The following MIEF1 variants were observed in gnomAD, a reference collection of about 807,000 sequenced individuals.
MIEF1 encodes mitochondrial elongation factor 1, also known as mitochondrial dynamics protein MIEF1.
A neutral mutation model predicts 35.1 loss-of-function variants in MIEF1; 14 were observed. The ratio of observed to expected loss-of-function variants is 0.40; its 90% confidence interval spans 0.26 to 0.62. MIEF1 has a LOEUF of 0.62. MIEF1 is among the 20% of genes least tolerant of loss of function. The probability of loss-of-function intolerance (pLI) is 0.43; values close to 1 mark genes in which losing one functional copy is unlikely to be tolerated. For missense variants in MIEF1, 542 were observed against 615.4 expected (o/e 0.88, Z 1.26); for synonymous variants, 245 against 254.3 (o/e 0.96, Z 0.35).
rs1194335045 is a variant in MIEF1, at chr22:39,515,916, T to C, written c.*1593T>C. ...ACAGGAAATGACTCTTTAGCATCGA[T>C]ACCTCAACATCAATTTAGGGTAGAG... On this transcript the variant is annotated 3_prime_UTR_variant, in exon 6 of 6. Coordinates refer to ENST00000325301, the MANE Select transcript of MIEF1 (RefSeq NM_019008.6). 1 of 153,388 alleles carries C rather than the reference T, an allele frequency of 6.5e-6. No homozygotes were observed. The highest frequency in any genetic ancestry group is 1.5e-5 in the Non-Finnish European group (1 of 68,566). The allele number at this position is 153,388 out of a possible 1,614,324, so 9.5% of individuals were successfully genotyped here.
At position 39,514,714 on chromosome 22, in the gene MIEF1, C is replaced by T. The variant is rs939166559; in HGVS notation, c.*391C>T. The stretch of plus-strand genomic sequence containing the variant: ...GTGTCTTTTCTATTTTTTCCTCTCT[C>T]GTTCATGCCTTCTGTTTTGCTCTTG... On this transcript the variant is annotated 3_prime_UTR_variant, in exon 6 of 6. Coordinates refer to ENST00000325301, the MANE Select transcript of MIEF1 (RefSeq NM_019008.6). 1.9e-5 allele frequency: 5 copies of T among 266,422 alleles called. No individual in the cohort carries two copies. The highest frequency in any genetic ancestry group is 5.4e-5 in the South Asian group (1 of 18,616). 16.5% of individuals were successfully genotyped at this position (266,422 alleles called of 1,614,324 possible). A position where few individuals can be genotyped will look rare whatever the true frequency, so the allele number is the denominator to read the frequency against.
In MIEF1 at chr22:39,515,465, C is replaced by T. The variant is rs1930610328; in HGVS notation, c.*1142C>T. On this transcript the variant is annotated 3_prime_UTR_variant, in exon 6 of 6. Coordinates refer to ENST00000325301, the MANE Select transcript of MIEF1 (RefSeq NM_019008.6). The stretch of plus-strand genomic sequence containing the variant: ...ATGTGAGAGGGGTGTTTGCTGAGCG[C>T]TCCGGGCACGGCCAGAGGGCAAGTG... 1.5e-6 allele frequency: 1 copy of T among 653,720 alleles called. No individual in the cohort carries two copies. The highest frequency in any genetic ancestry group is 1.8e-5 in the South Asian group (1 of 56,278). 40.5% of individuals were successfully genotyped at this position (653,720 alleles called of 1,614,324 possible). A position where few individuals can be genotyped will look rare whatever the true frequency, so the allele number is the denominator to read the frequency against.
At chr22:39,503,319 T>C (rs1029403293) in intron 1 of MIEF1, 17 of 152,112 alleles carry the variant, frequency 1.1e-4, no homozygotes, top group African/African-American at 4.1e-4. Flanking sequence ...ACAGAATGAG[T>C]TGTTATGTGA....
At position 39,511,950 on chromosome 22, in the gene MIEF1, G is replaced by T; in HGVS notation, c.246G>T (p.Leu82=). 6.2e-7 allele frequency: 1 copy of T among 1,614,214 alleles called. No individual in the cohort carries two copies. The highest frequency in any genetic ancestry group is 1.1e-5 in the South Asian group (1 of 91,086). ...CCAACTGGATGGGCTCCCCACGACT[G>T]CTGAACAGGGACATGAAGACGGGCC... The part of the protein sequence containing the change: ...EEPNWMGSPR[L]LNRDMKTGLS... The change falls in exon 4 of 6, where the codon CTG becomes CTT. Residue 82 remains leucine (L), a synonymous_variant. Transcript: ENST00000325301.
chr22:39,508,542 C>A (rs1930167456), intron 2 of MIEF1, among the ~76,000 whole-genome samples: 1 of 152,192 alleles, frequency 6.6e-6, no homozygotes, highest in Admixed American at 6.5e-5. Context: ...TGCTTTTCTC[C>A]TGATTGGGTT....
chr22:39,515,572 A>C lies in MIEF1; in HGVS notation c.*1249A>C. On this transcript the variant is annotated 3_prime_UTR_variant, in exon 6 of 6. Coordinates refer to ENST00000325301, the MANE Select transcript of MIEF1 (RefSeq NM_019008.6). ...GGTGCTACCAAGGAAGAGAGCACAC[A>C]GATAAGACAGAGGGGAGGAGGTGGG... 1 of 555,066 alleles carries C rather than the reference A, an allele frequency of 1.8e-6. No homozygotes were observed. Among genetic ancestry groups the C allele is most frequent in the Non-Finnish European group, 3.2e-6 (1 of 313,520 alleles). 34.4% of individuals were successfully genotyped at this position (555,066 alleles called of 1,614,324 possible).
intron 4 of MIEF1, 83 bp downstream of exon 4, chr22:39,512,109 T>A: frequency 1.9e-6 from 3 of 1,559,282 alleles, no homozygotes; most frequent in Non-Finnish European, 8.7e-7. Flanking sequence ...CCTGAGCACA[T>A]CTGTGCCAGG....
intron 2 of MIEF1, among the ~76,000 whole-genome samples, chr22:39,510,738 G>C (rs1457228990): frequency 6.6e-6 from 1 of 152,186 alleles, no homozygotes; most frequent in African/African-American, 2.4e-5. Flanking sequence ...CCTGTGATGG[G>C]GTAGAGAGAC....
Position 39,505,274 on chromosome 22 carries a change from G to A in MIEF1, c.-8+740G>A, listed in dbSNP as rs1310361493. On this transcript the variant is annotated intron_variant, in intron 2 of 5. Coordinates refer to ENST00000325301, the MANE Select transcript of MIEF1 (RefSeq NM_019008.6). ...ATCATAGCTCTCTGGAACCTTGAATGCCTGGCCTCAAGCAGTCCTCCCTTC... is the reference window on the plus strand; with the variant it reads ...ATCATAGCTCTCTGGAACCTTGAATACCTGGCCTCAAGCAGTCCTCCCTTC... Among the ~76,000 whole-genome samples, 3 of 152,150 alleles carry A rather than the reference G, an allele frequency of 2.0e-5. No homozygotes were observed. The East Asian group carries it at 5.8e-4, about 29-fold the overall frequency.
rs1930748344 is a variant in MIEF1, at chr22:39,517,686, T to G, written c.*3363T>G. On this transcript the variant is annotated 3_prime_UTR_variant, in exon 6 of 6. Transcript: ENST00000325301. Reference sequence around the variant, plus strand: ...AGAACTCTGCCCTTTTGTCTGAAACTCAAGGCCAAGGAGAATGATAGGAGA... The same window carrying G: ...AGAACTCTGCCCTTTTGTCTGAAACGCAAGGCCAAGGAGAATGATAGGAGA... The G allele has an allele frequency of 2.1e-6, 1 of 466,466 alleles. No individual in the cohort carries two copies. The highest frequency in any genetic ancestry group is 2.0e-5 in the African/African-American group (1 of 49,934). 28.9% of individuals were successfully genotyped at this position (466,466 alleles called of 1,614,324 possible).
At chr22:39,506,410 A>G (rs968705733) in intron 2 of MIEF1, among the ~76,000 whole-genome samples, 2 of 152,198 alleles carry the variant, frequency 1.3e-5, no homozygotes, top group African/African-American at 4.8e-5. Context: ...TCTTGGTCAC[A>G]TACTTTACTG....
chr22:39,515,372 AGGATGT>A lies in MIEF1; in HGVS notation c.*1052_*1057del. The A allele has an allele frequency of 1.4e-6, 1 of 716,694 alleles. No homozygotes were observed. Among genetic ancestry groups the A allele is most frequent in the Non-Finnish European group, 2.6e-6 (1 of 384,530 alleles). 44.4% of individuals were successfully genotyped at this position (716,694 alleles called of 1,614,324 possible). On this transcript the variant is annotated 3_prime_UTR_variant, in exon 6 of 6. Coordinates refer to ENST00000325301, the MANE Select transcript of MIEF1 (RefSeq NM_019008.6). The stretch of plus-strand genomic sequence containing the variant: ...CTACCCAGACAGGCCCTGCTTTTCT[AGGATGT>A]GGCCTTAGAGCAAGAACAGACCCAA...
At chr22:39,507,391 G>A (rs9611189) in intron 2 of MIEF1, among the ~76,000 whole-genome samples, 51,132 of 151,326 alleles carry the variant, frequency 0.34, 9,401 homozygotes, top group East Asian at 0.65. Context: ...GACTACAGGC[G>A]CCTGCCACCA....
Position 39,512,240 on chromosome 22 carries a change from T to C in MIEF1, c.331T>C (p.Cys111Arg). The stretch of plus-strand genomic sequence containing the variant: ...CTCTCTTGCCTTGGCAGATACATTC[T>C]GCCCGCCCCGGCCCAAGCCAGTGGC... ...DSSTFDTDTF[C>R]PPRPKPVARK... The change falls in exon 5 of 6, where the codon TGC becomes CGC. Residue 111 changes from cysteine (C) to arginine (R), a missense_variant. By Grantham distance (180) the Cys-to-Arg change is radical. Transcript: ENST00000325301. 6.2e-7 allele frequency: 1 copy of C among 1,612,516 alleles called. No homozygotes were observed. Among genetic ancestry groups the C allele is most frequent in the Non-Finnish European group, 8.5e-7 (1 of 1,179,978 alleles).
At chr22:39,511,578 T>C in intron 3 of MIEF1, 140 bp downstream of exon 3, 2 of 1,302,798 alleles carry the variant, frequency 1.5e-6, no homozygotes, top group Non-Finnish European at 2.1e-6. Context: ...TTCAAAAGTA[T>C]GTATAGAGTG....
intron 1 of MIEF1, 35 bp from the exon 2 acceptor site, chr22:39,504,168 A>G: frequency 2.5e-6 from 1 of 398,656 alleles, no homozygotes. Context: ...ATTAATTCTG[A>G]TACTAGGCTT....
intron 2 of MIEF1, among the ~76,000 whole-genome samples, chr22:39,510,247 C>T (rs913711869): frequency 2.6e-5 from 4 of 152,010 alleles, no homozygotes; most frequent in African/African-American, 9.7e-5. Context: ...CGTGAGTCAC[C>T]GTGCCCGGCC....
chr22:39,514,569 G>A lies in MIEF1; in HGVS notation c.*246G>A. 1 of 544,758 alleles carries A rather than the reference G, an allele frequency of 1.8e-6. No individual in the cohort carries two copies. The highest frequency in any genetic ancestry group is 3.3e-6 in the Non-Finnish European group (1 of 305,068). The allele number at this position is 544,758 out of a possible 1,614,324, so 33.7% of individuals were successfully genotyped here. A position where few individuals can be genotyped will look rare whatever the true frequency, so the allele number is the denominator to read the frequency against. On this transcript the variant is annotated 3_prime_UTR_variant, in exon 6 of 6. Transcript: ENST00000325301. ...CCCCTGGCTCCAGGCTAATTTTTCTGGAATGAATTGAGAAGGTGGCGTGCT... is the reference window on the plus strand; with the variant it reads ...CCCCTGGCTCCAGGCTAATTTTTCTAGAATGAATTGAGAAGGTGGCGTGCT...
Position 39,504,776 on chromosome 22 carries a change from G to A in MIEF1, c.-8+242G>A, listed in dbSNP as rs188273376. ...AGGCTGGGTGACAGAATGAGACCCT[G>A]TCTCTGGGGTGGGGGGGAAAAAAGA... On this transcript the variant is annotated intron_variant, in intron 2 of 5. Coordinates refer to ENST00000325301, the MANE Select transcript of MIEF1 (RefSeq NM_019008.6). 13 of 191,262 alleles carry A rather than the reference G, an allele frequency of 6.8e-5. No homozygotes were observed. The East Asian group carries it at 1.6e-3, about 24-fold the overall frequency. 11.8% of individuals were successfully genotyped at this position (191,262 alleles called of 1,614,324 possible).
Sources: allele counts gnomAD v4.1 joint callset (sites outside exome capture counted in the v4.1 genomes callset), GRCh38; gene constraint gnomAD v4.1.1; transcripts MANE v1.5; gene names NCBI Gene and HGNC (gene_info 2026-07-23, HGNC 2026-07-21).